AKAP6: variants seen among roughly 807,000 people sequenced by gnomAD.
The protein encoded by AKAP6 is A-kinase anchor protein 6.
In AKAP6, 58 loss-of-function variants were observed where a neutral mutation model predicts 188.5. The observed-to-expected ratio is 0.31, with a 90% CI of 0.25 to 0.38. The LOEUF (loss-of-function observed/expected upper bound fraction) is 0.38, where lower values mean the gene tolerates loss of function less well. AKAP6 is among the 10% of genes least tolerant of loss of function. The probability of loss-of-function intolerance (pLI) is 1.00; values close to 1 mark genes in which losing one functional copy is unlikely to be tolerated. For missense variants in AKAP6, 2,710 were observed against 2,740.0 expected (o/e 0.99, Z 0.24); for synonymous variants, 989 against 998.6 (o/e 0.99, Z 0.18).
chr14:32,573,601 T>A (rs1270760566), intron 4 of AKAP6, among the ~76,000 whole-genome samples: 9 of 152,222 alleles, frequency 5.9e-5, no homozygotes, highest in African/African-American at 2.2e-4. Context: ...TATCTTTGTA[T>A]TTTCAGCAAT....
intron 1 of AKAP6, among the ~76,000 whole-genome samples, chr14:32,391,608 A>G (rs909383012): frequency 6.6e-6 from 1 of 152,164 alleles, no homozygotes. Context: ...GGTTAACACC[A>G]TCTCCCTCGG....
chr14:32,407,898 C>T (rs573556973), intron 1 of AKAP6, among the ~76,000 whole-genome samples: 14 of 152,278 alleles, frequency 9.2e-5, no homozygotes, highest in South Asian at 6.2e-4. Flanking sequence ...TTTTAATGAC[C>T]GCTAGGAGTT....
chr14:32,706,161 T>C (rs1481311579), intron 9 of AKAP6, among the ~76,000 whole-genome samples: 1 of 152,166 alleles, frequency 6.6e-6, no homozygotes, highest in Non-Finnish European at 1.5e-5. Context: ...GCCTGCTCAT[T>C]GTTGCCCCAT....
At chr14:32,689,482 A>G (rs1213716664) in intron 8 of AKAP6, among the ~76,000 whole-genome samples, 1 of 152,192 alleles carries the variant, frequency 6.6e-6, no homozygotes, top group Non-Finnish European at 1.5e-5. Flanking sequence ...TACTGCTAGA[A>G]AGAACTCCAT....
intron 1 of AKAP6, among the ~76,000 whole-genome samples, chr14:32,359,657 CA>C (rs1887596752): frequency 6.6e-6 from 1 of 150,766 alleles, no homozygotes; most frequent in African/African-American, 2.4e-5. Flanking sequence ...TTAGTTTCTT[CA>C]AGTTTATGGT....
In AKAP6 at chr14:32,824,555, A is replaced by T; in HGVS notation, c.6742A>T (p.Lys2248Ter). 1 of 1,613,928 alleles carries T rather than the reference A, an allele frequency of 6.2e-7. No homozygotes were observed. The highest frequency in any genetic ancestry group is 8.5e-7 in the Non-Finnish European group (1 of 1,179,934). ...CAENLEFTPS[K>*]LDSEKESSGK... ...AGAAAACTTAGAGTTTACTCCTTCAAAGCTTGACAGTGAAAAGGAAAGTTC... is the reference window on the plus strand; with the variant it reads ...AGAAAACTTAGAGTTTACTCCTTCATAGCTTGACAGTGAAAAGGAAAGTTC... Residue 2248 changes from lysine to a stop codon, truncating the protein, a stop_gained, in exon 13 of 14, where the codon AAG (lysine) becomes TAG (stop). Transcript: ENST00000280979. LOFTEE classifies it high-confidence loss of function.
At chr14:32,644,427 G>A (rs1409682338) in intron 7 of AKAP6, among the ~76,000 whole-genome samples, 1 of 152,170 alleles carries the variant, frequency 6.6e-6, no homozygotes, top group African/African-American at 2.4e-5. Context: ...ATCTGGCAAT[G>A]CTGGAGCAAA....
At chr14:32,389,370 T>TCC (rs1888634345) in intron 1 of AKAP6, among the ~76,000 whole-genome samples, 1 of 152,152 alleles carries the variant, frequency 6.6e-6, no homozygotes, top group Non-Finnish European at 1.5e-5. Context: ...TGAGGTACCA[T>TCC]TCTATTCATC....
chr14:32,661,300 T>G (rs747489938), intron 7 of AKAP6, among the ~76,000 whole-genome samples: 1 of 152,028 alleles, frequency 6.6e-6, no homozygotes, highest in Non-Finnish European at 1.5e-5. Context: ...GATTGGGAAC[T>G]AGCAATCAGA....
At chr14:32,766,954 G>A (rs1451557017) in intron 11 of AKAP6, among the ~76,000 whole-genome samples, 1 of 152,042 alleles carries the variant, frequency 6.6e-6, no homozygotes, top group Non-Finnish European at 1.5e-5. Flanking sequence ...TTACAATTAA[G>A]AGTATGATCC....
intron 1 of AKAP6, among the ~76,000 whole-genome samples, chr14:32,393,219 A>G (rs1050485646): frequency 6.6e-6 from 1 of 152,170 alleles, no homozygotes; most frequent in African/African-American, 2.4e-5. Flanking sequence ...ACATACTGAC[A>G]TGTTTGCCTT....
intron 2 of AKAP6, among the ~76,000 whole-genome samples, chr14:32,456,385 A>G (rs911590624): frequency 6.6e-6 from 1 of 152,230 alleles, no homozygotes; most frequent in African/African-American, 2.4e-5. Flanking sequence ...TGACTTCAAA[A>G]AAACCAAAGA....
intron 1 of AKAP6, among the ~76,000 whole-genome samples, chr14:32,379,204 G>A (rs984359484): frequency 2.0e-5 from 3 of 152,168 alleles, no homozygotes; most frequent in African/African-American, 7.2e-5. Flanking sequence ...ACAGGTGTGA[G>A]CCACTGCGCC....
At position 32,830,220 on chromosome 14, in the gene AKAP6, A is replaced by T; in HGVS notation, c.*415A>T. ...TGTCTAGAATGACCCCCCCACCAGT[A>T]CTTGACCAATTTCATGTATCAATCT... On this transcript the variant is annotated 3_prime_UTR_variant, in exon 14 of 14. Transcript: ENST00000280979. 2.5e-6 allele frequency: 1 copy of T among 398,108 alleles called. No individual in the cohort carries two copies. The highest frequency in any genetic ancestry group is 4.5e-6 in the Non-Finnish European group (1 of 224,446). 24.7% of individuals were successfully genotyped at this position (398,108 alleles called of 1,614,324 possible). A position where few individuals can be genotyped will look rare whatever the true frequency, so the allele number is the denominator to read the frequency against.
At chr14:32,785,701 G>A (rs1434433298) in intron 12 of AKAP6, among the ~76,000 whole-genome samples, 1 of 132,898 alleles carries the variant, frequency 7.5e-6, no homozygotes, top group Non-Finnish European at 1.6e-5. Flanking sequence ...AAATATCCTT[G>A]CTTTGCCAGT....
chr14:32,639,060 T>C (rs1166152147), intron 7 of AKAP6, among the ~76,000 whole-genome samples: 1 of 152,100 alleles, frequency 6.6e-6, no homozygotes, highest in Non-Finnish European at 1.5e-5. Flanking sequence ...ACTTTGGTTT[T>C]CTTTCAACAG....
intron 7 of AKAP6, among the ~76,000 whole-genome samples, chr14:32,660,987 C>T (rs1002836567): frequency 1.5e-5 from 2 of 136,522 alleles, no homozygotes; most frequent in African/African-American, 5.4e-5. Context: ...GCTCCCTCTC[C>T]TGCTTTCTCA....
In AKAP6 at chr14:32,793,690, C is replaced by A. The variant is rs1311111724; in HGVS notation, c.3588+19797C>A. Among the ~76,000 whole-genome samples, 4 of 152,022 alleles carry A rather than the reference C, an allele frequency of 2.6e-5. No homozygotes were observed. The East Asian group carries it at 7.8e-4, about 29-fold the overall frequency. On this transcript the variant is annotated intron_variant, in intron 12 of 13. Coordinates refer to ENST00000280979, the MANE Select transcript of AKAP6 (RefSeq NM_004274.5). Reference sequence around the variant, plus strand: ...ATCAAGTGGACCTCATAGATATCTACAGAACTTTCCACCCCAAAACAACAG... The same window carrying A: ...ATCAAGTGGACCTCATAGATATCTAAAGAACTTTCCACCCCAAAACAACAG...
chr14:32,346,837 G>A (rs1281816095), intron 1 of AKAP6, among the ~76,000 whole-genome samples: 3 of 152,160 alleles, frequency 2.0e-5, no homozygotes, highest in Non-Finnish European at 4.4e-5. Flanking sequence ...AAGCCAATTT[G>A]GTTACACTCA....
Sources: allele counts gnomAD v4.1 joint callset (sites outside exome capture counted in the v4.1 genomes callset), GRCh38; gene constraint gnomAD v4.1.1; transcripts MANE v1.5; gene names NCBI Gene and HGNC (gene_info 2026-07-23, HGNC 2026-07-21).